The following GRIA1 variants were observed in gnomAD, a reference collection of about 807,000 sequenced individuals.
The protein encoded by GRIA1 is glutamate receptor 1.
In GRIA1, 31 loss-of-function variants were observed where a neutral mutation model predicts 99.2. The observed-to-expected ratio is 0.31, with a 90% CI of 0.23 to 0.42. The LOEUF (loss-of-function observed/expected upper bound fraction) is 0.42. Ranked by LOEUF, GRIA1 falls within the 10% of genes least tolerant of loss-of-function variation. The pLI, the probability that GRIA1 is intolerant of heterozygous loss-of-function variation, is 1.00. For missense variants in GRIA1, 782 were observed against 1,157.5 expected, an observed-to-expected ratio of 0.68 and a Z score of 4.71; for synonymous variants, 438 against 432.4, an observed-to-expected ratio of 1.01 and a Z score of -0.16.
At chr5:153,633,971 TTAAAGA>T (rs758771205) in intron 2 of GRIA1, among the ~76,000 whole-genome samples, 2 of 151,854 alleles carry the variant, frequency 1.3e-5, no homozygotes, top group African/African-American at 2.4e-5. Flanking sequence ...AACAAAATAA[TTAAAGA>T]TAGAGATAAG....
At chr5:153,753,870 G>A (rs993584787) in intron 11 of GRIA1, among the ~76,000 whole-genome samples, 1 of 152,312 alleles carries the variant, frequency 6.6e-6, no homozygotes, top group African/African-American at 2.4e-5. Flanking sequence ...TCCCTGGGAG[G>A]ATAATCATCA....
intron 11 of GRIA1, among the ~76,000 whole-genome samples, chr5:153,706,392 C>G (rs750361077): frequency 1.3e-5 from 2 of 152,180 alleles, no homozygotes; most frequent in African/African-American, 4.8e-5. Flanking sequence ...TATGGAGCAC[C>G]TACCAAATGC....
chr5:153,748,757 G>C (rs540813903), intron 11 of GRIA1, among the ~76,000 whole-genome samples: 1 of 152,166 alleles, frequency 6.6e-6, no homozygotes, highest in African/African-American at 2.4e-5. Context: ...TAGCAGGGTG[G>C]ACAGTGGTGC....
chr5:153,784,855 G>A (rs1764873240), intron 13 of GRIA1, among the ~76,000 whole-genome samples: 1 of 152,194 alleles, frequency 6.6e-6, no homozygotes, highest in Admixed American at 6.5e-5. Context: ...CCATTAAGGA[G>A]TGCATCTAGG....
intron 2 of GRIA1, among the ~76,000 whole-genome samples, chr5:153,644,192 T>G (rs1753970725): frequency 6.6e-6 from 1 of 152,226 alleles, no homozygotes; most frequent in Admixed American, 6.5e-5. Context: ...GAGAATAATA[T>G]GTGATGTATG....
chr5:153,762,638 G>C (rs554619863), intron 11 of GRIA1, among the ~76,000 whole-genome samples: 1 of 152,132 alleles, frequency 6.6e-6, no homozygotes, highest in Non-Finnish European at 1.5e-5. Context: ...GGAAGCAACT[G>C]GTCCCTAACC....
chr5:153,627,581 G>A (rs1236393742), intron 2 of GRIA1, among the ~76,000 whole-genome samples: 2 of 152,128 alleles, frequency 1.3e-5, no homozygotes, highest in Non-Finnish European at 2.9e-5. Flanking sequence ...AAAAGAATGG[G>A]GCAAGCGATG....
At chr5:153,491,398 T>TG in intron 1 of GRIA1, 2 of 704,622 alleles carry the variant, frequency 2.8e-6, no homozygotes, top group Non-Finnish European at 3.5e-6. Flanking sequence ...CATATATATG[T>TG]AATTGAAGGA....
intron 2 of GRIA1, among the ~76,000 whole-genome samples, chr5:153,607,846 A>G: frequency 6.6e-6 from 1 of 152,174 alleles, no homozygotes; most frequent in East Asian, 1.9e-4. Context: ...ATTTACCCAT[A>G]TATTTATAAT....
At chr5:153,699,928 A>C (rs2149514215) in intron 10 of GRIA1, among the ~76,000 whole-genome samples, 1 of 152,342 alleles carries the variant, frequency 6.6e-6, no homozygotes, top group African/African-American at 2.4e-5. Flanking sequence ...GAGGTAGAAA[A>C]GACCCCATCT....
chr5:153,567,376 G>A (rs552969332), intron 2 of GRIA1, among the ~76,000 whole-genome samples: 5 of 152,302 alleles, frequency 3.3e-5, no homozygotes, highest in South Asian at 2.1e-4. Context: ...TTTATGAGGC[G>A]TGTGTCCAGG....
chr5:153,668,963 G>T (rs1755951803), intron 5 of GRIA1, among the ~76,000 whole-genome samples: 1 of 152,216 alleles, frequency 6.6e-6, no homozygotes, highest in Non-Finnish European at 1.5e-5. Context: ...TGGAGCAGTA[G>T]AACACATTTG....
rs529308427 is a variant in GRIA1 at position 153,556,857 on chromosome 5, T to C, written c.220+62792T>C. Among the ~76,000 whole-genome samples the C allele has an allele frequency of 1.0e-3, 154 of 152,304 alleles. 1 individual carries two copies. The South Asian group carries it at 0.031, about 31-fold the overall frequency. ...AATGTGTCAGTGGACAATTTCACCA[T>C]TGCTTGAATATCACAGAGTGTTACT... On this transcript the variant is annotated intron_variant, in intron 2 of 15. Coordinates refer to ENST00000285900, the MANE Select transcript of GRIA1 (RefSeq NM_000827.4).
chr5:153,727,170 T>G (rs1760613648), intron 11 of GRIA1, among the ~76,000 whole-genome samples: 1 of 152,222 alleles, frequency 6.6e-6, no homozygotes, highest in Non-Finnish European at 1.5e-5. Flanking sequence ...GAAAAGGCCT[T>G]TGACAAAATT....
intron 2 of GRIA1, among the ~76,000 whole-genome samples, chr5:153,519,192 G>A (rs905676890): frequency 1.1e-4 from 17 of 152,046 alleles, no homozygotes; most frequent in Admixed American, 1.0e-3. Flanking sequence ...GAATCGGGAG[G>A]TGGCAGCTGC....
intron 1 of GRIA1, chr5:153,491,180 C>G (rs998487388): frequency 1.0e-5 from 11 of 1,091,002 alleles, no homozygotes; most frequent in Non-Finnish European, 1.3e-5. Flanking sequence ...TGTTCACACA[C>G]GCACACATAC....
rs143681062 is a variant in GRIA1 at position 153,611,783 on chromosome 5, A to T, written c.221-35145A>T. On this transcript the variant is annotated intron_variant, in intron 2 of 15. Coordinates refer to ENST00000285900, the MANE Select transcript of GRIA1 (RefSeq NM_000827.4). Reference sequence around the variant, plus strand: ...TCTGGACCTGCTTTTCAGTGGACAAAGTTCAGCCAAAGCTACGTGAGCACT... The same window carrying T: ...TCTGGACCTGCTTTTCAGTGGACAATGTTCAGCCAAAGCTACGTGAGCACT... Among the ~76,000 whole-genome samples, 350 of 152,356 alleles carry T rather than the reference A, an allele frequency of 2.3e-3. 4 individuals carry two copies. The highest frequency in any genetic ancestry group is 8.3e-3 in the African/African-American group (345 of 41,590).
Position 153,811,312 on chromosome 5 carries a change from T to C in GRIA1, c.*87T>C. ...TTCAGTGCCAAAAACAACAACAAAATGAAACGCAACCACCACCAACCACTG... is the reference window on the plus strand; with the variant it reads ...TTCAGTGCCAAAAACAACAACAAAACGAAACGCAACCACCACCAACCACTG... On this transcript the variant is annotated 3_prime_UTR_variant, in exon 16 of 16. Transcript: ENST00000285900. 1.1e-6 allele frequency: 1 copy of C among 897,818 alleles called. No homozygotes were observed. The highest frequency in any genetic ancestry group is 2.4e-4 in the Middle Eastern group (1 of 4,244). The allele number at this position is 897,818 out of a possible 1,614,324, so 55.6% of individuals were successfully genotyped here. A position where few individuals can be genotyped will look rare whatever the true frequency, so the allele number is the denominator to read the frequency against.
At chr5:153,771,684 G>C (rs1226838405) in intron 13 of GRIA1, among the ~76,000 whole-genome samples, 2 of 152,158 alleles carry the variant, frequency 1.3e-5, no homozygotes, top group Non-Finnish European at 2.9e-5. Flanking sequence ...AGATATGCTG[G>C]ATAAGATATA....
Sources: allele counts gnomAD v4.1 joint callset (sites outside exome capture counted in the v4.1 genomes callset), GRCh38; gene constraint gnomAD v4.1.1; transcripts MANE v1.5; gene names NCBI Gene and HGNC (gene_info 2026-07-23, HGNC 2026-07-21).